FSTL5: variants seen among roughly 807,000 people sequenced by gnomAD.
FSTL5 encodes the protein follistatin-related protein 5.
In FSTL5, 62 loss-of-function variants were observed where a neutral mutation model predicts 89.1. That is an observed-to-expected ratio of 0.70 (90% CI 0.57 to 0.86). The LOEUF (loss-of-function observed/expected upper bound fraction) is 0.86, where lower values mean the gene tolerates loss of function less well. Among genes scored for constraint, FSTL5 ranks in the 40% least tolerant of loss-of-function variants. FSTL5 has a pLI of 0.00. For missense variants in FSTL5, 1,057 were observed against 1,001.6 expected (o/e 1.06, Z -0.75); for synonymous variants, 383 against 346.2 (o/e 1.11, Z -1.18).
At chr4:161,517,809 C>T (rs1730892710) in intron 10 of FSTL5, among the ~76,000 whole-genome samples, 1 of 151,982 alleles carries the variant, frequency 6.6e-6, no homozygotes, top group Admixed American at 6.6e-5. Context: ...ATAAAATGAA[C>T]TTATATAATG....
intron 3 of FSTL5, among the ~76,000 whole-genome samples, chr4:161,952,064 A>T (rs1245137325): frequency 6.6e-6 from 1 of 152,050 alleles, no homozygotes; most frequent in Non-Finnish European, 1.5e-5. Flanking sequence ...ATTAAAAATA[A>T]TCTCTGAAAG....
rs868760721 is a variant in FSTL5, at chr4:161,866,174, A to G, written c.409+54230T>C. Among the ~76,000 whole-genome samples the G allele has an allele frequency of 2.6e-5, 4 of 152,208 alleles. No homozygotes were observed. The South Asian group carries it at 6.2e-4, about 24-fold the overall frequency. ...TTACACTCCAGACCCAACATTGTCC[A>G]TACAATATTCCCCAAGATTTAGGCA... On this transcript the variant is annotated intron_variant, in intron 4 of 15. Transcript: ENST00000306100.
intron 10 of FSTL5, among the ~76,000 whole-genome samples, chr4:161,531,980 G>A (rs1032301043): frequency 2.6e-5 from 4 of 152,084 alleles, no homozygotes; most frequent in South Asian, 2.1e-4. Context: ...CGAGACGGGC[G>A]GATCATGAGG....
At chr4:161,412,556 G>T (rs1242886097) in intron 15 of FSTL5, among the ~76,000 whole-genome samples, 1 of 152,080 alleles carries the variant, frequency 6.6e-6, no homozygotes, top group Admixed American at 6.6e-5. Context: ...TGTAAATGAT[G>T]AGTTAATGGG....
intron 4 of FSTL5, among the ~76,000 whole-genome samples, chr4:161,791,470 C>A (rs900670126): frequency 1.1e-4 from 16 of 152,298 alleles, no homozygotes; most frequent in Admixed American, 3.3e-4. Context: ...ATATGTTAGG[C>A]TTTCTGGCCC....
At chr4:161,520,467 T>C (rs1035624714) in intron 10 of FSTL5, among the ~76,000 whole-genome samples, 1 of 152,008 alleles carries the variant, frequency 6.6e-6, no homozygotes, top group Admixed American at 6.6e-5. Flanking sequence ...AGGGAAATTA[T>C]AAATTATAAC....
chr4:161,411,879 C>T (rs147216935), intron 15 of FSTL5, among the ~76,000 whole-genome samples: 79 of 152,202 alleles, frequency 5.2e-4, no homozygotes, highest in Non-Finnish European at 8.7e-4. Flanking sequence ...AAAAGGCATC[C>T]AAATAGGAAA....
chr4:162,079,218 T>C (rs997904004), intron 2 of FSTL5, among the ~76,000 whole-genome samples: 8 of 151,694 alleles, frequency 5.3e-5, no homozygotes, highest in African/African-American at 1.9e-4. Context: ...TTAGAGCATA[T>C]CAGGTAGAAT....
At chr4:161,575,743 G>A (rs978137124) in intron 8 of FSTL5, among the ~76,000 whole-genome samples, 9 of 152,116 alleles carry the variant, frequency 5.9e-5, no homozygotes, top group Middle Eastern at 3.2e-3. Flanking sequence ...GTGAGCCACC[G>A]TGCACGGCCG....
intron 10 of FSTL5, among the ~76,000 whole-genome samples, chr4:161,535,615 G>A (rs1260056904): frequency 6.6e-6 from 1 of 152,100 alleles, no homozygotes; most frequent in Non-Finnish European, 1.5e-5. Context: ...GGAGAAAAGC[G>A]AATGCCTATA....
At chr4:162,007,941 G>A (rs1192497632) in intron 3 of FSTL5, among the ~76,000 whole-genome samples, 1 of 151,828 alleles carries the variant, frequency 6.6e-6, no homozygotes, top group Admixed American at 6.6e-5. Context: ...AACTTTTGAA[G>A]TTTCCAGTGA....
At chr4:161,845,166 A>C (rs72981111) in intron 4 of FSTL5, among the ~76,000 whole-genome samples, 1,923 of 152,274 alleles carry the variant, frequency 0.013, 37 homozygotes, top group African/African-American at 0.043. Context: ...AACTTTTAAA[A>C]TGTACTTTAG....
At chr4:161,613,631 C>T (rs1734735470) in intron 7 of FSTL5, among the ~76,000 whole-genome samples, 1 of 152,028 alleles carries the variant, frequency 6.6e-6, no homozygotes, top group Non-Finnish European at 1.5e-5. Flanking sequence ...TATCATCCAC[C>T]ATAAGAAAAC....
chr4:161,463,497 A>G (rs544496375), intron 13 of FSTL5, among the ~76,000 whole-genome samples: 5 of 152,332 alleles, frequency 3.3e-5, no homozygotes, highest in African/African-American at 1.2e-4. Context: ...CCAAATGACT[A>G]TCTTCAGGAT....
rs9995217 is a variant in FSTL5, at chr4:161,402,375, C to T, written c.1842-15926G>A. Among the ~76,000 whole-genome samples, 891 of 152,268 alleles carry T rather than the reference C, an allele frequency of 5.9e-3. 4 individuals are homozygous for T. Among genetic ancestry groups the T allele is most frequent in the African/African-American group, 0.02 (818 of 41,554 alleles). On this transcript the variant is annotated intron_variant, in intron 15 of 15. Transcript: ENST00000306100. ...TTCCTCCCTTGAAGGATCTACATAGCTGAGCTCTACTGGATAATACTCAAA... is the reference window on the plus strand; with the variant it reads ...TTCCTCCCTTGAAGGATCTACATAGTTGAGCTCTACTGGATAATACTCAAA...
chr4:161,636,511 C>T lies in FSTL5; in HGVS notation c.894+19817G>A, dbSNP rs1420707722. Among the ~76,000 whole-genome samples, 13 of 138,754 alleles carry T rather than the reference C, an allele frequency of 9.4e-5. 1 individual carries two copies. In the South Asian group the frequency reaches 2.2e-3, roughly 23 times the overall value. 91.0% of individuals were successfully genotyped at this position (138,754 alleles called of 152,430 possible). On this transcript the variant is annotated intron_variant, in intron 7 of 15. Coordinates refer to ENST00000306100, the MANE Select transcript of FSTL5 (RefSeq NM_020116.5). ...AGTTTTAGGGTACATGTGCACATTG[C>T]GCAGGTTAGTTACATATGTATACAT...
intron 2 of FSTL5, among the ~76,000 whole-genome samples, chr4:162,038,794 T>C (rs1737838756): frequency 6.6e-6 from 1 of 151,856 alleles, no homozygotes; most frequent in Non-Finnish European, 1.5e-5. Flanking sequence ...TTTCCTTCCT[T>C]CTCACTGAGA....
At chr4:161,687,541 C>G (rs1737788142) in intron 6 of FSTL5, among the ~76,000 whole-genome samples, 1 of 152,110 alleles carries the variant, frequency 6.6e-6, no homozygotes, top group African/African-American at 2.4e-5. Flanking sequence ...AGTATTTCAG[C>G]CTCAATTCAA....
intron 2 of FSTL5, among the ~76,000 whole-genome samples, chr4:162,059,617 T>C (rs528286588): frequency 6.6e-6 from 1 of 152,260 alleles, no homozygotes; most frequent in Non-Finnish European, 1.5e-5. Flanking sequence ...ATCACAGTAG[T>C]CTGCTAAGCC....
Sources: gnomAD v4.1 joint callset for allele counts (sites outside exome capture counted in the v4.1 genomes callset) on GRCh38, gnomAD v4.1.1 for gene constraint, MANE v1.5 for transcripts, NCBI Gene and HGNC (gene_info 2026-07-23, HGNC 2026-07-21) for gene names.